The following PLCE1 variants were observed in gnomAD, a reference collection of about 807,000 sequenced individuals.
PLCE1 encodes phospholipase C epsilon 1.
Under a neutral mutation model 242.8 loss-of-function variants are expected in PLCE1, and 119 were observed. That is an observed-to-expected ratio of 0.49 (90% CI 0.42 to 0.57). The LOEUF is 0.57. Among genes scored for constraint, PLCE1 ranks in the 20% least tolerant of loss-of-function variants. The pLI is 0.00. For synonymous variants in PLCE1, 945 were observed against 1,017.4 expected (o/e 0.93, Z 1.35); for missense variants, 2,441 against 2,788.8 (o/e 0.88, Z 2.81).
intron 1 of PLCE1, among the ~76,000 whole-genome samples, chr10:94,011,497 A>G (rs2061166849): frequency 6.6e-6 from 1 of 152,130 alleles, no homozygotes. Flanking sequence ...GCTATGCTTA[A>G]CCACAACAGG....
At chr10:94,035,331 C>T (rs2134549754) in intron 2 of PLCE1, among the ~76,000 whole-genome samples, 1 of 152,188 alleles carries the variant, frequency 6.6e-6, no homozygotes, top group Non-Finnish European at 1.5e-5. Context: ...ATGCCTATAC[C>T]CTCCTCCAGT....
chr10:94,211,583 T>A (rs1051646845), intron 4 of PLCE1, among the ~76,000 whole-genome samples: 2 of 152,262 alleles, frequency 1.3e-5, no homozygotes, highest in African/African-American at 4.8e-5. Context: ...AAAGTTGGTC[T>A]GCTTTCTGGA....
At chr10:94,223,000 C>T (rs914391809) in intron 4 of PLCE1, among the ~76,000 whole-genome samples, 2 of 152,148 alleles carry the variant, frequency 1.3e-5, no homozygotes, top group Middle Eastern at 3.4e-3. Flanking sequence ...GAGGGCACAG[C>T]TGGACGACAG....
At chr10:94,045,965 T>TAAA (rs59988453) in intron 2 of PLCE1, among the ~76,000 whole-genome samples, 2 of 149,182 alleles carry the variant, frequency 1.3e-5, no homozygotes, top group Admixed American at 6.6e-5. Context: ...CCAGGCGTGG[T>TAAA]AAAAAAAAAA....
intron 2 of PLCE1, among the ~76,000 whole-genome samples, chr10:94,129,200 G>C (rs892962813): frequency 3.3e-5 from 5 of 152,168 alleles, no homozygotes; most frequent in Non-Finnish European, 7.3e-5. Context: ...CAAGAAGGAT[G>C]GATGATTGCC....
intron 2 of PLCE1, among the ~76,000 whole-genome samples, chr10:94,124,554 G>A (rs79340260): frequency 6.6e-6 from 1 of 152,124 alleles, no homozygotes; most frequent in Admixed American, 6.5e-5. Flanking sequence ...TCAGTTATTT[G>A]CCCAGTATCA....
At chr10:94,310,973 T>C (rs2053368662) in intron 27 of PLCE1, among the ~76,000 whole-genome samples, 1 of 152,158 alleles carries the variant, frequency 6.6e-6, no homozygotes, top group Non-Finnish European at 1.5e-5. Flanking sequence ...AATCCTCAGA[T>C]TCAAGAGTTT....
At chr10:94,066,463 C>T (rs1042599245) in intron 2 of PLCE1, among the ~76,000 whole-genome samples, 6 of 152,208 alleles carry the variant, frequency 3.9e-5, no homozygotes, top group East Asian at 1.9e-4. Context: ...GCTTGGAGCA[C>T]GATCTTTTGA....
rs1478079754 is a variant in PLCE1, at chr10:94,328,716, CTGTATTG to C, written c.*778_*784del. On this transcript the variant is annotated 3_prime_UTR_variant, in exon 33 of 33. Coordinates refer to ENST00000371380, the MANE Select transcript of PLCE1 (RefSeq NM_016341.4). ...GAGTCATTAAAATTCAATTTAGTTC[CTGTATTG>C]TGTACCACAGTGCACTCCTCTTTAG... 2 of 152,096 alleles carry C rather than the reference CTGTATTG, an allele frequency of 1.3e-5. No homozygotes were observed. The highest frequency in any genetic ancestry group is 4.8e-5 in the African/African-American group (2 of 41,406). The allele number at this position is 152,096 out of a possible 1,614,324, so 9.4% of individuals were successfully genotyped here.
intron 2 of PLCE1, among the ~76,000 whole-genome samples, chr10:94,061,082 G>T (rs912961934): frequency 2.0e-5 from 3 of 152,116 alleles, no homozygotes; most frequent in African/African-American, 7.2e-5. Flanking sequence ...CCTCCCAGGG[G>T]TTCAGCGAGG....
intron 3 of PLCE1, among the ~76,000 whole-genome samples, chr10:94,167,224 G>A (rs2047834203): frequency 6.6e-6 from 1 of 152,068 alleles, no homozygotes; most frequent in Non-Finnish European, 1.5e-5. Flanking sequence ...CCGGGAGGCG[G>A]CGGTTCGTGC....
intron 2 of PLCE1, among the ~76,000 whole-genome samples, chr10:94,046,786 G>A (rs2061892990): frequency 1.3e-5 from 2 of 152,140 alleles, no homozygotes; most frequent in African/African-American, 4.8e-5. Flanking sequence ...GAGGCTTAAT[G>A]CAAGTTACTT....
At chr10:94,104,638 G>A (rs2045659388) in intron 2 of PLCE1, 1 of 152,052 alleles carries the variant, frequency 6.6e-6, no homozygotes. Flanking sequence ...GATCTTCTAA[G>A]CCATCTAATT....
At chr10:94,319,313 A>G (rs937112900) in intron 29 of PLCE1, among the ~76,000 whole-genome samples, 1 of 152,230 alleles carries the variant, frequency 6.6e-6, no homozygotes, top group African/African-American at 2.4e-5. Context: ...CCCAAATAAT[A>G]ATTGCTGATT....
intron 27 of PLCE1, among the ~76,000 whole-genome samples, chr10:94,310,606 CAA>C (rs1485014769): frequency 6.6e-6 from 1 of 152,122 alleles, no homozygotes; most frequent in Non-Finnish European, 1.5e-5. Flanking sequence ...CCGCGTGGTA[CAA>C]AGAGCAGGAA....
At chr10:94,325,293 C>T (rs1273627127) in intron 32 of PLCE1, 189 bp downstream of exon 32, 3 of 553,000 alleles carry the variant, frequency 5.4e-6, no homozygotes, top group South Asian at 4.0e-5. Context: ...TATTGAACAC[C>T]GCCTATAAAG....
intron 14 of PLCE1, among the ~76,000 whole-genome samples, chr10:94,263,145 C>T (rs2051370302): frequency 6.6e-6 from 1 of 152,112 alleles, no homozygotes; most frequent in Non-Finnish European, 1.5e-5. Context: ...GCTGGGATTA[C>T]AGGCGTGAGC....
At chr10:94,288,645 G>A (rs936741193) in intron 22 of PLCE1, among the ~76,000 whole-genome samples, 25 of 152,122 alleles carry the variant, frequency 1.6e-4, no homozygotes, top group African/African-American at 5.8e-4. Flanking sequence ...GATTCTGAGG[G>A]GGATTTTGCC....
Position 94,174,998 on chromosome 10 carries a change from A to G in PLCE1, c.1809+3502A>G, listed in dbSNP as rs528927869. On this transcript the variant is annotated intron_variant, in intron 4 of 32. Coordinates refer to ENST00000371380, the MANE Select transcript of PLCE1 (RefSeq NM_016341.4). Reference sequence around the variant, plus strand: ...GAGGAAGCTGAGTGAAGGGTGTACAAGAACTCTCTGTACTGTCTTTTGCAA... The same window carrying G: ...GAGGAAGCTGAGTGAAGGGTGTACAGGAACTCTCTGTACTGTCTTTTGCAA... Among the ~76,000 whole-genome samples, 8 of 152,316 alleles carry G rather than the reference A, an allele frequency of 5.3e-5. No individual in the cohort carries two copies. In the East Asian group the frequency reaches 9.7e-4, roughly 18 times the overall value.
Sources: allele counts gnomAD v4.1 joint callset (sites outside exome capture counted in the v4.1 genomes callset), GRCh38; gene constraint gnomAD v4.1.1; transcripts MANE v1.5; gene names NCBI Gene and HGNC (gene_info 2026-07-23, HGNC 2026-07-21).